The following UTP20 variants were observed in gnomAD, a reference collection of about 807,000 sequenced individuals.
UTP20 encodes the protein UTP20 small subunit processome component.
In UTP20, 164 loss-of-function variants were observed where a neutral mutation model predicts 329.5. The observed-to-expected ratio is 0.50, with a 90% CI of 0.44 to 0.57. UTP20 has a LOEUF of 0.57. Ranked by LOEUF, UTP20 falls within the 20% of genes least tolerant of loss-of-function variation. UTP20 has a pLI of 0.00. For missense variants in UTP20, 3,055 were observed against 3,284.2 expected (o/e 0.93, Z 1.71); for synonymous variants, 1,151 against 1,159.3 (o/e 0.99, Z 0.14).
chr12:101,314,449 G>C (rs574273128), intron 21 of UTP20, among the ~76,000 whole-genome samples: 55 of 151,932 alleles, frequency 3.6e-4, no homozygotes, highest in Non-Finnish European at 7.4e-4. Context: ...ACAAGGTCAG[G>C]AGATCGAGAC....
intron 2 of UTP20, 127 bp downstream of exon 2, chr12:101,281,323 T>C: frequency 1.3e-6 from 1 of 750,152 alleles, no homozygotes; most frequent in South Asian, 2.5e-5. Flanking sequence ...CTGTGCTGTT[T>C]CATACAGTAG....
At chr12:101,357,695 A>G (rs1487176837) in intron 43 of UTP20, among the ~76,000 whole-genome samples, 1 of 152,234 alleles carries the variant, frequency 6.6e-6, no homozygotes, top group Non-Finnish European at 1.5e-5. Context: ...TCAAGGCTGC[A>G]GTGAGCTGTG....
At chr12:101,330,028 C>T (rs1244002861) in intron 27 of UTP20, among the ~76,000 whole-genome samples, 1 of 149,642 alleles carries the variant, frequency 6.7e-6, no homozygotes, top group Non-Finnish European at 1.5e-5. Flanking sequence ...AAAAAAGGGA[C>T]ATTAAAATAG....
intron 38 of UTP20, 92 bp downstream of exon 38, chr12:101,346,680 A>G: frequency 7.8e-7 from 1 of 1,278,980 alleles, no homozygotes; most frequent in Non-Finnish European, 1.1e-6. Context: ...GTTTGTGTTG[A>G]TGTCATCACC....
At chr12:101,369,985 G>A in intron 49 of UTP20, 94 bp downstream of exon 49, 1 of 1,294,936 alleles carries the variant, frequency 7.7e-7, no homozygotes, top group Non-Finnish European at 1.1e-6. Context: ...AGGCTGAGGT[G>A]GGAGGATTAC....
chr12:101,371,763 A>T (rs771280479), intron 51 of UTP20, among the ~76,000 whole-genome samples: 13 of 151,776 alleles, frequency 8.6e-5, no homozygotes, highest in Non-Finnish European at 1.6e-4. Context: ...TGATCTCTTG[A>T]CCTTGTGATC....
intron 40 of UTP20, 125 bp from the exon 41 acceptor site, chr12:101,354,707 C>T: frequency 4.0e-6 from 4 of 1,010,748 alleles, no homozygotes; most frequent in Non-Finnish European, 5.8e-6. Context: ...CTTACCTTGC[C>T]TGCCCACAGT....
At chr12:101,361,597 G>C (rs944891222) in intron 43 of UTP20, among the ~76,000 whole-genome samples, 1 of 151,740 alleles carries the variant, frequency 6.6e-6, no homozygotes, top group African/African-American at 2.4e-5. Context: ...TTGCACTCCA[G>C]CCTGCGCTAC....
intron 30 of UTP20, 33 bp downstream of exon 30, chr12:101,338,310 A>C: frequency 1.3e-6 from 2 of 1,596,010 alleles, no homozygotes; most frequent in African/African-American, 2.7e-5. Flanking sequence ...TAATTCTTAG[A>C]CTTCTGCTGT....
chr12:101,303,189 T>C (rs1266532564), intron 15 of UTP20, among the ~76,000 whole-genome samples: 1 of 152,212 alleles, frequency 6.6e-6, no homozygotes, highest in Non-Finnish European at 1.5e-5. Flanking sequence ...AGGTAATCAT[T>C]TGCTTTTCTC....
In UTP20 at chr12:101,299,851, C is replaced by A; in HGVS notation, c.1586+14C>A. 6.2e-7 allele frequency: 1 copy of A among 1,601,620 alleles called. No homozygotes were observed. Among genetic ancestry groups the A allele is most frequent in the African/African-American group, 1.3e-5 (1 of 74,428 alleles). ...ACCTCATATTAGGTAAGAAAATAAG[C>A]TATGTTTAATTTTGAAAGAGATAAC... On this transcript the variant is annotated intron_variant, in intron 13 of 61. Coordinates refer to ENST00000261637, the MANE Select transcript of UTP20 (RefSeq NM_014503.3).
intron 48 of UTP20, among the ~76,000 whole-genome samples, chr12:101,368,910 C>T (rs1398040987): frequency 2.6e-5 from 4 of 150,994 alleles, no homozygotes; most frequent in African/African-American, 5.0e-5. Context: ...CTTAATCCAG[C>T]CCACTGAAGA....
At chr12:101,374,260 T>C (rs958046168) in intron 54 of UTP20, among the ~76,000 whole-genome samples, 1 of 151,926 alleles carries the variant, frequency 6.6e-6, no homozygotes, top group East Asian at 1.9e-4. Context: ...AAATAAAAAG[T>C]AATATAAAAA....
chr12:101,325,240 C>T (rs78733125), intron 25 of UTP20, among the ~76,000 whole-genome samples: 5,379 of 152,294 alleles, frequency 0.035, 124 homozygotes, highest in Middle Eastern at 0.051. Context: ...TCAGAACCCA[C>T]TTTAAATTCT....
At chr12:101,362,414 TA>T (rs1180815772) in intron 44 of UTP20, among the ~76,000 whole-genome samples, 1 of 152,198 alleles carries the variant, frequency 6.6e-6, no homozygotes, top group Non-Finnish European at 1.5e-5. Flanking sequence ...TAATAACTTT[TA>T]AAATTGGGCC....
intron 25 of UTP20, among the ~76,000 whole-genome samples, chr12:101,324,858 A>C (rs1016635103): frequency 6.6e-6 from 1 of 152,162 alleles, no homozygotes; most frequent in Non-Finnish European, 1.5e-5. Flanking sequence ...TAGTCTTTCA[A>C]TAAAGTGTTT....
chr12:101,368,171 G>C (rs1234927896), intron 48 of UTP20, among the ~76,000 whole-genome samples, 195 bp downstream of exon 48: 1 of 151,452 alleles, frequency 6.6e-6, no homozygotes, highest in Non-Finnish European at 1.5e-5. Flanking sequence ...ACCTAGGCTG[G>C]AGTGCAGTGG....
chr12:101,282,087 ACCTTG>A (rs1871817377), intron 2 of UTP20, among the ~76,000 whole-genome samples: 1 of 152,080 alleles, frequency 6.6e-6, no homozygotes, highest in Non-Finnish European at 1.5e-5. Flanking sequence ...ACATGCCTAT[ACCTTG>A]GCGATCCAAT....
At chr12:101,284,014 T>C (rs1486793203) in intron 2 of UTP20, among the ~76,000 whole-genome samples, 1 of 151,654 alleles carries the variant, frequency 6.6e-6, no homozygotes, top group Non-Finnish European at 1.5e-5. Flanking sequence ...TTTGGCATGC[T>C]GTTTGCATGT....
Sources: gnomAD v4.1 joint callset for allele counts (sites outside exome capture counted in the v4.1 genomes callset) on GRCh38, gnomAD v4.1.1 for gene constraint, MANE v1.5 for transcripts, NCBI Gene and HGNC (gene_info 2026-07-23, HGNC 2026-07-21) for gene names.